BLK: variants seen among roughly 807,000 people sequenced by gnomAD.
BLK encodes BLK proto-oncogene, Src family tyrosine kinase, also known as tyrosine-protein kinase Blk.
Under a neutral mutation model 61.8 loss-of-function variants are expected in BLK, and 64 were observed. The observed-to-expected ratio is 1.03, with a 90% CI of 0.85 to 1.27. The LOEUF is 1.27. Among genes scored for constraint, BLK ranks in the 50% most tolerant of loss-of-function variants. BLK has a pLI of 0.00. For synonymous variants in BLK, 351 were observed against 272.0 expected, an observed-to-expected ratio of 1.29 and a Z score of -2.86; for missense variants, 853 against 660.5, an observed-to-expected ratio of 1.29 and a Z score of -3.19.
At chr8:11,552,599 C>CAA (rs1800957071) in intron 6 of BLK, 1 of 152,202 alleles carries the variant, frequency 6.6e-6, no homozygotes, top group Admixed American at 6.5e-5. Flanking sequence ...CAACAATTAT[C>CAA]AACTGAGCCA....
intron 1 of BLK, among the ~76,000 whole-genome samples, chr8:11,529,010 T>C (rs1799785218): frequency 6.6e-6 from 1 of 152,022 alleles, no homozygotes; most frequent in Non-Finnish European, 1.5e-5. Context: ...AATACTTAGG[T>C]GATGGGTTGA....
intron 1 of BLK, among the ~76,000 whole-genome samples, chr8:11,505,333 T>C (rs924691299): frequency 6.6e-6 from 1 of 152,188 alleles, no homozygotes; most frequent in African/African-American, 2.4e-5. Context: ...AAGAGATCTC[T>C]GTTTTCTACT....
At chr8:11,545,998 C>T (rs1174215493) in intron 2 of BLK, 54 bp from the exon 3 acceptor site, 12 of 1,588,886 alleles carry the variant, frequency 7.6e-6, no homozygotes, top group Non-Finnish European at 1.0e-5. Context: ...AACCCCCAGG[C>T]CCCACCCACG....
At chr8:11,561,621 A>G (rs150485020) in intron 11 of BLK, among the ~76,000 whole-genome samples, 169 bp downstream of exon 11, 262 of 152,098 alleles carry the variant, frequency 1.7e-3, no homozygotes, top group Non-Finnish European at 3.1e-3. Flanking sequence ...TGTGTTCAGC[A>G]GAATGGTAGT....
intron 1 of BLK, among the ~76,000 whole-genome samples, chr8:11,529,267 C>T (rs149919186): frequency 1.2e-4 from 19 of 152,184 alleles, no homozygotes; most frequent in African/African-American, 3.6e-4. Flanking sequence ...TGTGGAAGAC[C>T]GGAGTCTTAT....
At position 11,564,218 on chromosome 8, in the gene BLK, G is replaced by C. The variant is rs887178183; in HGVS notation, c.*110G>C. ...GGGTGTCGCCTGTGCCCTTTTCTCA[G>C]ACCCGGAATCCAGTGGGCAGAGGCA... On this transcript the variant is annotated 3_prime_UTR_variant, in exon 13 of 13. Transcript: ENST00000259089. 3 of 1,331,416 alleles carry C rather than the reference G, an allele frequency of 2.3e-6. No homozygotes were observed. Among genetic ancestry groups the C allele is most frequent in the Non-Finnish European group, 3.1e-6 (3 of 964,096 alleles). 82.5% of individuals were successfully genotyped at this position (1,331,416 alleles called of 1,614,324 possible).
At chr8:11,504,420 A>AAAAG (rs1798691903) in intron 1 of BLK, among the ~76,000 whole-genome samples, 1 of 151,734 alleles carries the variant, frequency 6.6e-6, no homozygotes, top group Non-Finnish European at 1.5e-5. Context: ...AGAAAAAAAA[A>AAAAG]AGAAAAGATC....
rs116528301 is a variant in BLK, at chr8:11,503,766, T to C, written c.-2+9175T>C. On this transcript the variant is annotated intron_variant, in intron 1 of 12. Transcript: ENST00000259089. ...GGAAGAGGTCACTCTGTCCTCTTTCTTGCCTGGGCCTCACCTCTGCTGAGG... is the reference window on the plus strand; with the variant it reads ...GGAAGAGGTCACTCTGTCCTCTTTCCTGCCTGGGCCTCACCTCTGCTGAGG... Among the ~76,000 whole-genome samples, 1,446 of 152,270 alleles carry C rather than the reference T, an allele frequency of 9.5e-3. 28 individuals are homozygous for C. Among genetic ancestry groups the C allele is most frequent in the African/African-American group, 0.033 (1,380 of 41,548 alleles).
intron 3 of BLK, among the ~76,000 whole-genome samples, chr8:11,547,189 A>G (rs1800685798): frequency 6.6e-6 from 1 of 152,268 alleles, no homozygotes; most frequent in African/African-American, 2.4e-5. Context: ...AAAAGCTCAG[A>G]ATCTGTCACA....
At chr8:11,541,429 T>C (rs906585837) in intron 1 of BLK, among the ~76,000 whole-genome samples, 1 of 152,166 alleles carries the variant, frequency 6.6e-6, no homozygotes, top group Non-Finnish European at 1.5e-5. Flanking sequence ...ATACATCATA[T>C]TGATCGATAT....
intron 1 of BLK, among the ~76,000 whole-genome samples, chr8:11,537,414 G>A (rs1172551830): frequency 6.6e-6 from 1 of 152,180 alleles, no homozygotes; most frequent in African/African-American, 2.4e-5. Flanking sequence ...ACCCACCTAT[G>A]TCTGGCAGGT....
At chr8:11,558,816 TACACATACACAC>T in intron 10 of BLK, 1 of 455,460 alleles carries the variant, frequency 2.2e-6, no homozygotes, top group East Asian at 7.0e-5. Flanking sequence ...CACACGTGCG[TACACATACACAC>T]ACACATACAG....
chr8:11,537,257 G>A (rs1243507054), intron 1 of BLK, among the ~76,000 whole-genome samples: 2 of 152,260 alleles, frequency 1.3e-5, no homozygotes, highest in East Asian at 3.9e-4. Context: ...AGCATTGGTG[G>A]TTTGTACTGG....
At chr8:11,528,867 G>A (rs1215464677) in intron 1 of BLK, among the ~76,000 whole-genome samples, 2 of 152,150 alleles carry the variant, frequency 1.3e-5, no homozygotes, top group African/African-American at 4.8e-5. Context: ...ACCAAACACT[G>A]TATGTTCTCA....
chr8:11,542,689 G>A (rs796070130), intron 1 of BLK, among the ~76,000 whole-genome samples: 53 of 152,282 alleles, frequency 3.5e-4, no homozygotes, highest in African/African-American at 1.2e-3. Context: ...GCTAGGCCTC[G>A]ATGCCTGTGC....
chr8:11,562,763 A>G (rs926834613), intron 11 of BLK, among the ~76,000 whole-genome samples: 1 of 152,154 alleles, frequency 6.6e-6, no homozygotes, highest in Non-Finnish European at 1.5e-5. Flanking sequence ...TGGTGTCCAT[A>G]TCGTCTTTCT....
rs187994276 is a variant in BLK at position 11,535,055 on chromosome 8, G to A, written c.-1-8169G>A. On this transcript the variant is annotated intron_variant, in intron 1 of 12. Transcript: ENST00000259089. ...TAGCCAGGCATGGCAGCACGTGCCT[G>A]TGGTCCTAGCTACTCGGGAGGTTGA... Among the ~76,000 whole-genome samples the A allele has an allele frequency of 4.2e-4, 64 of 152,138 alleles. No individual in the cohort carries two copies. In the East Asian group the frequency reaches 6.4e-3, roughly 15 times the overall value.
chr8:11,552,070 AGAGT>A (rs1037025131), intron 6 of BLK, among the ~76,000 whole-genome samples: 19 of 152,340 alleles, frequency 1.2e-4, no homozygotes, highest in African/African-American at 4.6e-4. Context: ...AAAGGGAGAG[AGAGT>A]GTCTGGAATA....
chr8:11,561,128 G>C (rs1416482179), intron 10 of BLK, 174 bp from the exon 11 acceptor site: 10 of 936,352 alleles, frequency 1.1e-5, no homozygotes, highest in Non-Finnish European at 1.7e-5. Context: ...GCTGTTCTGG[G>C]CTTCTAGGAG....
Sources: allele counts gnomAD v4.1 joint callset (sites outside exome capture counted in the v4.1 genomes callset), GRCh38; gene constraint gnomAD v4.1.1; transcripts MANE v1.5; gene names NCBI Gene and HGNC (gene_info 2026-07-23, HGNC 2026-07-21).